Variants in VANGL1 observed in about 807,000 individuals in gnomAD.
VANGL1 encodes vang-like protein 1.
VANGL1 carries 18 observed loss-of-function variants against 48.4 expected under a neutral mutation model. That is an observed-to-expected ratio of 0.37 (90% CI 0.26 to 0.55). The LOEUF (loss-of-function observed/expected upper bound fraction) is 0.55. Ranked by LOEUF, VANGL1 falls within the 20% of genes least tolerant of loss-of-function variation. The pLI is 0.81. For synonymous variants in VANGL1, 257 were observed against 261.8 expected (o/e 0.98, Z 0.18); for missense variants, 667 against 675.8 (o/e 0.99, Z 0.14).
rs754212840 is a variant in VANGL1, at chr1:115,697,528, A to C, written c.*6149A>C. 1 of 152,210 alleles carries C rather than the reference A, an allele frequency of 6.6e-6. No homozygotes were observed. The highest frequency in any genetic ancestry group is 1.5e-5 in the Non-Finnish European group (1 of 68,044). The allele number at this position is 152,210 out of a possible 1,614,324, so 9.4% of individuals were successfully genotyped here. On this transcript the variant is annotated 3_prime_UTR_variant, in exon 8 of 8. Coordinates refer to ENST00000355485, the MANE Select transcript of VANGL1 (RefSeq NM_138959.3). ...TGCATAGAGTGCAGGATGCCAGCAAAGATGAGGGTGGGGGCAGATACTGGC... is the reference window on the plus strand; with the variant it reads ...TGCATAGAGTGCAGGATGCCAGCAACGATGAGGGTGGGGGCAGATACTGGC...
At chr1:115,676,761 A>G (rs58578510) in intron 4 of VANGL1, among the ~76,000 whole-genome samples, 19,696 of 152,220 alleles carry the variant, frequency 0.13, 1,317 homozygotes, top group Admixed American at 0.15. Flanking sequence ...CTCAGCCAGC[A>G]CCTGGTATAC....
In VANGL1 at chr1:115,642,000, C is replaced by A. The variant is rs191609592; in HGVS notation, c.-224C>A. 17,877 of 151,386 alleles carry A rather than the reference C, an allele frequency of 0.12. 1,325 individuals carry two copies. The highest frequency in any genetic ancestry group is 0.33 in the South Asian group (1,798 of 5,474). The allele number at this position is 151,386 out of a possible 1,614,324, so 9.4% of individuals were successfully genotyped here. On this transcript the variant is annotated 5_prime_UTR_variant, in exon 1 of 8. Transcript: ENST00000355485. ...AGCGGCGGCGGCGGCGGGGCTCTGC[C>A]TCTCCAGGAGCCCAGCGCAGGCCGC...
chr1:115,682,896 G>A (rs1280451838), intron 5 of VANGL1, among the ~76,000 whole-genome samples: 1 of 152,182 alleles, frequency 6.6e-6, no homozygotes, highest in Non-Finnish European at 1.5e-5. Flanking sequence ...AGATACCTGC[G>A]GGCACTTCTT....
intron 5 of VANGL1, among the ~76,000 whole-genome samples, chr1:115,683,742 A>G (rs988550517): frequency 3.3e-5 from 5 of 152,022 alleles, no homozygotes; most frequent in South Asian, 4.1e-4. Flanking sequence ...GTTTAGGGAG[A>G]TTCCTCTGCT....
rs61224594 is a variant in VANGL1 at position 115,674,876 on chromosome 1, G to A, written c.813-7488G>A. 9.2e-3 allele frequency among the ~76,000 whole-genome samples: 1,399 copies of A among 152,262 alleles called. 19 individuals carry two copies. Among genetic ancestry groups the A allele is most frequent in the African/African-American group, 0.032 (1,332 of 41,548 alleles). The stretch of plus-strand genomic sequence containing the variant: ...TAATAACATGTAAGAATACAAGTTT[G>A]ATTGCAGAAGCCACAATCAAGTTCA... On this transcript the variant is annotated intron_variant, in intron 4 of 7. Coordinates refer to ENST00000355485, the MANE Select transcript of VANGL1 (RefSeq NM_138959.3).
At chr1:115,686,761 A>G (rs182286299) in intron 7 of VANGL1, among the ~76,000 whole-genome samples, 14 of 152,312 alleles carry the variant, frequency 9.2e-5, no homozygotes, top group Admixed American at 1.3e-4. Context: ...ATTTTTACCA[A>G]TAATAATAAT....
chr1:115,652,687 G>A (rs750268160), intron 2 of VANGL1, among the ~76,000 whole-genome samples: 9 of 152,128 alleles, frequency 5.9e-5, no homozygotes, highest in African/African-American at 1.4e-4. Flanking sequence ...CCCTGACTGC[G>A]CTCTTCCCCA....
intron 4 of VANGL1, among the ~76,000 whole-genome samples, chr1:115,680,833 G>A (rs540772209): frequency 1.2e-3 from 187 of 152,300 alleles, no homozygotes; most frequent in African/African-American, 4.3e-3. Context: ...GGAACACAGT[G>A]TGGTCATCCA....
In VANGL1 at chr1:115,663,688, G is replaced by GCCATCACAGGCACCTCGGAGCACAGCA; in HGVS notation, c.233_259dup (p.Ser86_Ile87insThrIleThrGlyThrSerGluHisSer). The GCCATCACAGGCACCTCGGAGCACAGCA allele has an allele frequency of 6.2e-7, 1 of 1,614,168 alleles. No individual in the cohort carries two copies. On this transcript the variant is annotated inframe_insertion, in exon 4 of 8. Transcript: ENST00000355485. ...TGACAACTGGGGAGAGACCACCACG[G>GCCATCACAGGCACCTCGGAGCACAGCA]CCATCACAGGCACCTCGGAGCACAG...
chr1:115,648,423 A>T (rs1035494817), intron 1 of VANGL1, among the ~76,000 whole-genome samples: 1 of 152,120 alleles, frequency 6.6e-6, no homozygotes, highest in Non-Finnish European at 1.5e-5. Context: ...ATGGGAGGGA[A>T]ACCAGACTAG....
chr1:115,653,109 G>T (rs985951079), intron 2 of VANGL1, among the ~76,000 whole-genome samples: 8 of 152,188 alleles, frequency 5.3e-5, no homozygotes, highest in African/African-American at 1.9e-4. Context: ...GCCTGTCTCT[G>T]AGTGTAGGAT....
At chr1:115,654,345 G>T (rs374462943) in intron 2 of VANGL1, among the ~76,000 whole-genome samples, 1 of 151,816 alleles carries the variant, frequency 6.6e-6, no homozygotes, top group East Asian at 2.0e-4. Context: ...TAACAAAGAG[G>T]TCAGTGGCCT....
Position 115,682,419 on chromosome 1 carries a change from T to C in VANGL1, c.868T>C (p.Tyr290His), listed in dbSNP as rs145309218. 163 of 1,614,096 alleles carry C rather than the reference T, an allele frequency of 1.0e-4. No individual in the cohort carries two copies. Among genetic ancestry groups the C allele is most frequent in the Middle Eastern group, 1.6e-4 (1 of 6,084 alleles). ...LENYYKDFTI[Y>H]NPNLLTASKF... is the part of the protein sequence containing the mutation. ...AAATTACTACAAAGATTTCACCATC[T>C]ATAACCCAAACCTCCTAACAGCCTC... The change falls in exon 5 of 8, where the codon TAT becomes CAT. Residue 290 changes from tyrosine (Y) to histidine (H), a missense_variant. Tyr to His is a moderately conservative substitution (Grantham distance 83). Coordinates refer to ENST00000355485, the MANE Select transcript of VANGL1 (RefSeq NM_138959.3).
intron 1 of VANGL1, among the ~76,000 whole-genome samples, chr1:115,646,002 T>A (rs913327534): frequency 6.6e-6 from 1 of 150,466 alleles, no homozygotes; most frequent in Non-Finnish European, 1.5e-5. Context: ...TTGCGAAGGT[T>A]AGCTTATGTT....
At position 115,664,179 on chromosome 1, in the gene VANGL1, G is replaced by A. The variant is rs929609479; in HGVS notation, c.723G>A (p.Leu241=). ...TCCATTACCTGGCCATCGTCCTGCT[G>A]GAGCTCAGGCAGCTGCAGCCCATGT... ...LFIHYLAIVL[L]ELRQLQPMFT... The change falls in exon 4 of 8, where the codon CTG becomes CTA. Residue 241 remains leucine (L), a synonymous_variant. Coordinates refer to ENST00000355485, the MANE Select transcript of VANGL1 (RefSeq NM_138959.3). 1 of 1,614,060 alleles carries A rather than the reference G, an allele frequency of 6.2e-7. No individual in the cohort carries two copies. Among genetic ancestry groups the A allele is most frequent in the Non-Finnish European group, 8.5e-7 (1 of 1,179,938 alleles).
Position 115,651,406 on chromosome 1 carries a change from C to T in VANGL1, c.-8C>T. On this transcript the variant is annotated 5_prime_UTR_variant, in exon 2 of 8. Coordinates refer to ENST00000355485, the MANE Select transcript of VANGL1 (RefSeq NM_138959.3). ...TGCTCCTTCCTCAAGCGCAAGCCCT[C>T]CATTGCTATGGATACCGAATCCACT... 6.2e-7 allele frequency: 1 copy of T among 1,613,818 alleles called. No individual in the cohort carries two copies. Among genetic ancestry groups the T allele is most frequent in the Non-Finnish European group, 8.5e-7 (1 of 1,179,886 alleles).
At chr1:115,646,871 G>A (rs891971801) in intron 1 of VANGL1, among the ~76,000 whole-genome samples, 2 of 152,168 alleles carry the variant, frequency 1.3e-5, no homozygotes, top group East Asian at 3.9e-4. Flanking sequence ...ATCAGGAAAG[G>A]CCTCTTGAAA....
intron 1 of VANGL1, among the ~76,000 whole-genome samples, chr1:115,643,821 A>T (rs1651819959): frequency 6.6e-6 from 1 of 152,214 alleles, no homozygotes; most frequent in South Asian, 2.1e-4. Context: ...TGAAGAAGGC[A>T]TCCTCCCCTT....
intron 2 of VANGL1, among the ~76,000 whole-genome samples, chr1:115,658,874 G>T (rs1392127192): frequency 6.6e-6 from 1 of 152,104 alleles, no homozygotes. Context: ...AGACCACCCA[G>T]GAAGTTCCTG....
Sources: allele counts gnomAD v4.1 joint callset (sites outside exome capture counted in the v4.1 genomes callset), GRCh38; gene constraint gnomAD v4.1.1; transcripts MANE v1.5; gene names NCBI Gene and HGNC (gene_info 2026-07-23, HGNC 2026-07-21).